NRXN3: variants seen among roughly 807,000 people sequenced by gnomAD.
NRXN3 encodes neurexin III.
NRXN3 carries 32 observed loss-of-function variants against 137.6 expected under a neutral mutation model. The observed-to-expected ratio is 0.23, with a 90% CI of 0.18 to 0.31. NRXN3 has a LOEUF of 0.31. Among genes scored for constraint, NRXN3 ranks in the 10% least tolerant of loss-of-function variants. The probability of loss-of-function intolerance (pLI) is 1.00; values close to 1 mark genes in which losing one functional copy is unlikely to be tolerated. For missense variants in NRXN3, 1,574 were observed against 2,062.5 expected (o/e 0.76, Z 4.59); for synonymous variants, 798 against 784.5 (o/e 1.02, Z -0.29).
At chr14:78,271,001 G>C (rs185389382) in intron 2 of NRXN3, among the ~76,000 whole-genome samples, 1 of 152,184 alleles carries the variant, frequency 6.6e-6, no homozygotes, top group African/African-American at 2.4e-5. Flanking sequence ...GCTACCGTGT[G>C]TGTTATGAGT....
At chr14:79,072,230 G>A (rs1411376972) in intron 15 of NRXN3, 1 of 152,148 alleles carries the variant, frequency 6.6e-6, no homozygotes, top group Non-Finnish European at 1.5e-5. Context: ...TATGAAACCG[G>A]TAAATATTCA....
chr14:78,307,779 C>T (rs1274266673), intron 4 of NRXN3, among the ~76,000 whole-genome samples: 1 of 152,092 alleles, frequency 6.6e-6, no homozygotes, highest in East Asian at 1.9e-4. Context: ...GAAGCGATGA[C>T]ATGAAACCTA....
intron 15 of NRXN3, among the ~76,000 whole-genome samples, chr14:79,234,744 G>C (rs922077001): frequency 6.6e-6 from 1 of 151,904 alleles, no homozygotes; most frequent in Non-Finnish European, 1.5e-5. Context: ...GTTCTGTGAA[G>C]TCTTGTATTA....
At chr14:79,735,766 G>T (rs1424719522) in intron 19 of NRXN3, among the ~76,000 whole-genome samples, 4 of 152,038 alleles carry the variant, frequency 2.6e-5, no homozygotes, top group Non-Finnish European at 5.9e-5. Flanking sequence ...GATCTAATAG[G>T]GCTGTTTGGA....
rs2076514481 is a variant in NRXN3 at position 78,297,988 on chromosome 14, T to G, written c.757+128T>G. On this transcript the variant is annotated intron_variant, in intron 4 of 20. Transcript: ENST00000335750. Reference sequence around the variant, plus strand: ...CTGTCCTTCCTGCGCTGGGCCAGGCTGGCTGCAGGACCACCCTGCAGTGGG... The same window carrying G: ...CTGTCCTTCCTGCGCTGGGCCAGGCGGGCTGCAGGACCACCCTGCAGTGGG... 2.7e-6 allele frequency: 3 copies of G among 1,103,136 alleles called. No individual in the cohort carries two copies. The East Asian group carries it at 8.0e-5, about 29-fold the overall frequency. The allele number at this position is 1,103,136 out of a possible 1,614,324, so 68.3% of individuals were successfully genotyped here.
chr14:78,260,814 C>G (rs1349305604), intron 2 of NRXN3, among the ~76,000 whole-genome samples: 1 of 152,144 alleles, frequency 6.6e-6, no homozygotes, highest in African/African-American at 2.4e-5. Context: ...TGCCCATTCT[C>G]GGGTATGTCT....
chr14:79,390,876 A>G (rs972168462), intron 15 of NRXN3, among the ~76,000 whole-genome samples: 1 of 152,154 alleles, frequency 6.6e-6, no homozygotes, highest in Non-Finnish European at 1.5e-5. Flanking sequence ...TGCCTTCATG[A>G]TTGAATTAAT....
chr14:79,150,573 TCTC>T (rs1266601009), intron 15 of NRXN3, among the ~76,000 whole-genome samples: 1 of 151,890 alleles, frequency 6.6e-6, no homozygotes, highest in East Asian at 1.9e-4. Flanking sequence ...TTAGTTCACT[TCTC>T]CACCTTCCAT....
intron 14 of NRXN3, among the ~76,000 whole-genome samples, chr14:78,984,388 G>T (rs143129587): frequency 1.2e-3 from 177 of 152,198 alleles, no homozygotes; most frequent in African/African-American, 4.1e-3. Flanking sequence ...TACAGTCCAC[G>T]TAATTGTTAT....
chr14:79,355,011 T>A (rs755539911), intron 15 of NRXN3, among the ~76,000 whole-genome samples: 3 of 152,220 alleles, frequency 2.0e-5, no homozygotes, highest in Non-Finnish European at 2.9e-5. Context: ...TCAGTCAGCA[T>A]AGATGCATAT....
chr14:79,392,875 C>A lies in NRXN3; in HGVS notation c.3263-74346C>A, dbSNP rs143082183. On this transcript the variant is annotated intron_variant, in intron 15 of 20. Transcript: ENST00000335750. Reference sequence around the variant, plus strand: ...GTCCCAGCTACTTGGGAGTCTGAGGCAGGAGAATTGCTTGAACCCAAGAGG... The same window carrying A: ...GTCCCAGCTACTTGGGAGTCTGAGGAAGGAGAATTGCTTGAACCCAAGAGG... Among the ~76,000 whole-genome samples the A allele has an allele frequency of 8.3e-3, 1,189 of 143,934 alleles. 17 individuals are homozygous for A. Among genetic ancestry groups the A allele is most frequent in the African/African-American group, 0.028 (1,085 of 38,778 alleles). The allele number at this position is 143,934 out of a possible 152,430, so 94.4% of individuals were successfully genotyped here.
intron 10 of NRXN3, among the ~76,000 whole-genome samples, chr14:78,844,229 A>G (rs145891192): frequency 0.013 from 2,027 of 152,174 alleles, 23 homozygotes; most frequent in Middle Eastern, 0.045. Context: ...TCTAACTTAT[A>G]AGGATACATG....
At chr14:78,518,505 G>C (rs1184214952) in intron 4 of NRXN3, among the ~76,000 whole-genome samples, 1 of 152,080 alleles carries the variant, frequency 6.6e-6, no homozygotes, top group South Asian at 2.1e-4. Flanking sequence ...CAAAGAAAAG[G>C]TAGCTTGAGA....
intron 15 of NRXN3, among the ~76,000 whole-genome samples, chr14:79,086,816 T>C (rs540956820): frequency 6.6e-6 from 1 of 152,320 alleles, no homozygotes; most frequent in African/African-American, 2.4e-5. Flanking sequence ...AACTACAAGA[T>C]GTTAGATGTT....
intron 15 of NRXN3, among the ~76,000 whole-genome samples, chr14:79,292,577 T>C (rs1273570373): frequency 6.6e-6 from 1 of 152,216 alleles, no homozygotes; most frequent in Non-Finnish European, 1.5e-5. Context: ...ATTCCAATGA[T>C]TTCTAAAATA....
intron 18 of NRXN3, among the ~76,000 whole-genome samples, chr14:79,694,909 A>G (rs543838482): frequency 1.3e-5 from 2 of 152,134 alleles, no homozygotes; most frequent in African/African-American, 4.8e-5. Context: ...GAAACAAACA[A>G]GCAAACAGAA....
intron 10 of NRXN3, among the ~76,000 whole-genome samples, chr14:78,920,992 C>G (rs536645431): frequency 1.8e-4 from 28 of 152,274 alleles, no homozygotes; most frequent in African/African-American, 6.7e-4. Context: ...TATACATTGC[C>G]CATTGGTGAT....
intron 17 of NRXN3, among the ~76,000 whole-genome samples, chr14:79,674,666 T>C (rs1487815662): frequency 6.6e-6 from 1 of 152,132 alleles, no homozygotes; most frequent in Non-Finnish European, 1.5e-5. Context: ...GGTTGACAGA[T>C]ACAAATTCAC....
At chr14:79,621,280 T>A (rs560543349) in intron 16 of NRXN3, among the ~76,000 whole-genome samples, 40 of 152,214 alleles carry the variant, frequency 2.6e-4, no homozygotes, top group Non-Finnish European at 5.4e-4. Flanking sequence ...GGCACTTTTG[T>A]AGTTACACAT....
Sources: gnomAD v4.1 joint callset for allele counts (sites outside exome capture counted in the v4.1 genomes callset) on GRCh38, gnomAD v4.1.1 for gene constraint, MANE v1.5 for transcripts, NCBI Gene and HGNC (gene_info 2026-07-23, HGNC 2026-07-21) for gene names.